SNRPN: variants seen among roughly 807,000 people sequenced by gnomAD.
The protein encoded by SNRPN is small nuclear ribonucleoprotein polypeptide N.
SNRPN carries 7 observed loss-of-function variants against 25.2 expected under a neutral mutation model. The observed-to-expected ratio is 0.28, with a 90% CI of 0.16 to 0.52. The LOEUF is 0.52. Ranked by LOEUF, SNRPN falls within the 20% of genes least tolerant of loss-of-function variation. The probability of loss-of-function intolerance (pLI) is 0.96; values close to 1 mark genes in which losing one functional copy is unlikely to be tolerated. For synonymous variants in SNRPN, 124 were observed against 110.6 expected (o/e 1.12, Z -0.76); for missense variants, 196 against 322.5 (o/e 0.61, Z 3.00).
chr15:24,843,961 G>C (rs908526660), intron 2 of SNRPN, among the ~76,000 whole-genome samples: 2 of 150,728 alleles, frequency 1.3e-5, no homozygotes, highest in African/African-American at 4.9e-5. Flanking sequence ...CGATAGAGCT[G>C]ACTCTGTCTT....
chr15:24,918,209 G>A (rs1366612116), intron 2 of SNRPN, among the ~76,000 whole-genome samples: 1 of 150,960 alleles, frequency 6.6e-6, no homozygotes, highest in Non-Finnish European at 1.5e-5. Context: ...TATCTCTAAT[G>A]GACAGAGGCC....
upstream of SNRPN, among the ~76,000 whole-genome samples, chr15:24,951,375 G>GT (rs1199417754): frequency 6.6e-6 from 1 of 151,876 alleles, no homozygotes; most frequent in East Asian, 1.9e-4. Context: ...TCTCATTGTG[G>GT]TTTTCATTTG....
At chr15:24,968,223 G>C in intron 3 of SNRPN, 141 bp downstream of exon 3, 1 of 593,580 alleles carries the variant, frequency 1.7e-6, no homozygotes, top group Non-Finnish European at 3.0e-6. Flanking sequence ...GTTTTAGAAA[G>C]TTTTGCAGGA....
intron 1 of SNRPN, among the ~76,000 whole-genome samples, chr15:24,883,246 C>G (rs2056898891): frequency 6.6e-6 from 1 of 152,218 alleles, no homozygotes; most frequent in South Asian, 2.1e-4. Context: ...CAAGCGTATT[C>G]CTTGGATGGT....
intron 2 of SNRPN, among the ~76,000 whole-genome samples, chr15:24,843,315 T>C (rs1354636862): frequency 6.6e-6 from 1 of 152,200 alleles, no homozygotes; most frequent in Admixed American, 6.5e-5. Flanking sequence ...CTTGGGAAAA[T>C]AGATCTTAGC....
At chr15:24,896,531 G>A (rs1054784037) in intron 2 of SNRPN, among the ~76,000 whole-genome samples, 14 of 152,192 alleles carry the variant, frequency 9.2e-5, no homozygotes, top group African/African-American at 3.1e-4. Flanking sequence ...GGCTAACACG[G>A]TGAAACCTCA....
chr15:24,977,614 G>C (rs2077213197), intron 7 of SNRPN, among the ~76,000 whole-genome samples, 164 bp from the exon 8 acceptor site: 1 of 152,022 alleles, frequency 6.6e-6, no homozygotes, highest in South Asian at 2.1e-4. Flanking sequence ...CTCCAGCCTG[G>C]GTGACAAGAG....
chr15:24,913,668 C>A (rs971216674), intron 2 of SNRPN, among the ~76,000 whole-genome samples: 78 of 151,434 alleles, frequency 5.2e-4, no homozygotes, highest in African/African-American at 1.7e-3. Flanking sequence ...CAAAACAAAA[C>A]AAAAAAAACA....
At chr15:24,927,045 T>C (rs2647364) in intron 3 of SNRPN, among the ~76,000 whole-genome samples, 80,444 of 151,798 alleles carry the variant, frequency 0.53, 21,377 homozygotes, top group Admixed American at 0.56. Flanking sequence ...CTACCCTTTA[T>C]CCAGATTCAC....
At chr15:24,875,564 A>G (rs544794874) in intron 1 of SNRPN, among the ~76,000 whole-genome samples, 1 of 152,166 alleles carries the variant, frequency 6.6e-6, no homozygotes, top group Non-Finnish European at 1.5e-5. Context: ...AAGAATATTC[A>G]ATTTCCTAGA....
At chr15:24,845,109 G>T (rs375467353) in intron 2 of SNRPN, among the ~76,000 whole-genome samples, 7 of 152,062 alleles carry the variant, frequency 4.6e-5, no homozygotes, top group Non-Finnish European at 1.0e-4. Flanking sequence ...CGTGGCACAT[G>T]AGTCAAAAAC....
chr15:24,880,653 T>C (rs1255269899), intron 1 of SNRPN, among the ~76,000 whole-genome samples: 3 of 152,204 alleles, frequency 2.0e-5, no homozygotes, highest in Non-Finnish European at 4.4e-5. Context: ...AATTTTTTAA[T>C]TGAAGCCAAA....
At chr15:24,851,860 C>G (rs950555159), upstream of SNRPN, 1 of 152,134 alleles carries the variant, frequency 6.6e-6, no homozygotes, top group Non-Finnish European at 1.5e-5. Flanking sequence ...GTTCATGTCC[C>G]TTTCTCCATC....
intron 2 of SNRPN, among the ~76,000 whole-genome samples, chr15:24,916,132 T>C (rs763939088): frequency 4.6e-5 from 7 of 152,044 alleles, no homozygotes; most frequent in African/African-American, 1.7e-4. Flanking sequence ...GGCTAACTTT[T>C]GTATTTTTAG....
chr15:24,947,670 T>C (rs1317841204), intron 3 of SNRPN, among the ~76,000 whole-genome samples: 1 of 152,206 alleles, frequency 6.6e-6, no homozygotes, highest in Non-Finnish European at 1.5e-5. Context: ...CCTAATTTTA[T>C]ATTTTGTTTT....
chr15:24,871,054 G>C (rs1033992835), intron 1 of SNRPN, among the ~76,000 whole-genome samples: 8 of 151,356 alleles, frequency 5.3e-5, no homozygotes, highest in African/African-American at 1.7e-4. Context: ...CTAATTATTT[G>C]GTATTTTTAG....
At chr15:24,869,059 G>A (rs73371227) in intron 1 of SNRPN, among the ~76,000 whole-genome samples, 4,915 of 152,130 alleles carry the variant, frequency 0.032, 241 homozygotes, top group African/African-American at 0.11. Flanking sequence ...GCAGCAGGAT[G>A]TCTTGAGCCC....
chr15:24,845,352 C>T (rs1260812982), intron 2 of SNRPN, among the ~76,000 whole-genome samples: 2 of 152,192 alleles, frequency 1.3e-5, no homozygotes, highest in African/African-American at 4.8e-5. Flanking sequence ...TAATCTGGCA[C>T]TTTGGGAGGC....
upstream of SNRPN, among the ~76,000 whole-genome samples, chr15:24,953,355 T>C (rs948857733): frequency 6.6e-5 from 10 of 152,186 alleles, no homozygotes; most frequent in Non-Finnish European, 1.3e-4. Flanking sequence ...GATGGAGTCT[T>C]GCCCTGTCAC....
Sources: allele counts gnomAD v4.1 joint callset (sites outside exome capture counted in the v4.1 genomes callset), GRCh38; gene constraint gnomAD v4.1.1; transcripts MANE v1.5; gene names NCBI Gene and HGNC (gene_info 2026-07-23, HGNC 2026-07-21).